RRH: variants seen among roughly 807,000 people sequenced by gnomAD.
The protein encoded by RRH is visual pigment-like receptor peropsin.
In RRH, 36 loss-of-function variants were observed where a neutral mutation model predicts 33.1. The observed-to-expected ratio is 1.09, with a 90% CI of 0.83 to 1.44. The LOEUF (loss-of-function observed/expected upper bound fraction) is 1.44, where lower values mean the gene tolerates loss of function less well. Ranked by LOEUF, RRH falls within the 40% of genes most tolerant of loss-of-function variation. The pLI, the probability that RRH is intolerant of heterozygous loss-of-function variation, is 0.00. For synonymous variants in RRH, 124 were observed against 140.2 expected (o/e 0.88, Z 0.82); for missense variants, 393 against 420.2 (o/e 0.94, Z 0.57).
intron 1 of RRH, among the ~76,000 whole-genome samples, chr4:109,831,929 T>A (rs1560583474): frequency 6.6e-6 from 1 of 152,084 alleles, no homozygotes; most frequent in Non-Finnish European, 1.5e-5. Context: ...TTTAACAGGC[T>A]AAGGCAGAAG....
chr4:109,843,462 G>T (rs1005895550), intron 6 of RRH, among the ~76,000 whole-genome samples: 2 of 152,218 alleles, frequency 1.3e-5, no homozygotes, highest in Non-Finnish European at 2.9e-5. Context: ...GCCCGCCTCG[G>T]CCTCCCAAAG....
intron 5 of RRH, among the ~76,000 whole-genome samples, chr4:109,838,896 G>A (rs1001422030): frequency 6.6e-6 from 1 of 152,094 alleles, no homozygotes; most frequent in African/African-American, 2.4e-5. Flanking sequence ...TACTTGGTGA[G>A]TACTTTCAGT....
chr4:109,835,587 C>A, intron 3 of RRH, 122 bp downstream of exon 3: 1 of 771,036 alleles, frequency 1.3e-6, no homozygotes, highest in Non-Finnish European at 2.3e-6. Flanking sequence ...ATTTCTCTGC[C>A]AATAATTGTT....
At position 109,842,535 on chromosome 4, in the gene RRH, G is replaced by T; in HGVS notation, c.787G>T (p.Ala263Ser). ...WSPYSIVCLW[A>S]SFGDPKKIPP... The stretch of plus-strand genomic sequence containing the variant: ...CCCTTATTCCATCGTGTGCTTATGG[G>T]CTTCTTTTGGTGACCCAAAGAAGAT... The change falls in exon 6 of 7, where the codon GCT becomes TCT. Residue 263 changes from alanine (A) to serine (S), a missense_variant. Ala to Ser is a moderately conservative substitution (Grantham distance 99). Coordinates refer to ENST00000317735, the MANE Select transcript of RRH (RefSeq NM_006583.5). 1.2e-6 allele frequency: 2 copies of T among 1,613,936 alleles called. No individual in the cohort carries two copies. Among genetic ancestry groups the T allele is most frequent in the Non-Finnish European group, 1.7e-6 (2 of 1,179,896 alleles).
intron 5 of RRH, among the ~76,000 whole-genome samples, chr4:109,839,417 A>T (rs1038607903): frequency 2.0e-5 from 3 of 152,016 alleles, no homozygotes; most frequent in Non-Finnish European, 2.9e-5. Context: ...TTTACATTCT[A>T]CTCTCACTTT....
In RRH at chr4:109,835,994, T is replaced by G; in HGVS notation, c.398-13T>G. On this transcript the variant is annotated splice_polypyrimidine_tract_variant and intron_variant, in intron 3 of 6. Transcript: ENST00000317735. ...TGGCAAATGTTGCTAATATTTCCTG[T>G]GCTTGATAATAGGGAGAAGAATGAC... 1 of 1,614,164 alleles carries G rather than the reference T, an allele frequency of 6.2e-7. No individual in the cohort carries two copies. The highest frequency in any genetic ancestry group is 8.5e-7 in the Non-Finnish European group (1 of 1,180,006).
intron 1 of RRH, among the ~76,000 whole-genome samples, chr4:109,831,438 TGAG>T (rs1180087490): frequency 2.0e-5 from 3 of 152,126 alleles, no homozygotes; most frequent in Admixed American, 6.5e-5. Flanking sequence ...ACAGAAATCA[TGAG>T]GAGCCTGAAA....
chr4:109,837,904 T>A (rs1733916871), intron 5 of RRH, among the ~76,000 whole-genome samples: 1 of 152,138 alleles, frequency 6.6e-6, no homozygotes, highest in African/African-American at 2.4e-5. Context: ...GCCTCCCCAG[T>A]AGCTGGGATT....
chr4:109,842,400 C>A, intron 5 of RRH, 69 bp from the exon 6 acceptor site: 1 of 1,387,146 alleles, frequency 7.2e-7, no homozygotes, highest in Admixed American at 1.8e-5. Flanking sequence ...AGATTTTTAC[C>A]CAACTTTAGA....
At position 109,833,281 on chromosome 4, in the gene RRH, T is replaced by G. The variant is rs1325076463; in HGVS notation, c.249T>G (p.Ala83=). 6.2e-7 allele frequency: 1 copy of G among 1,614,120 alleles called. No homozygotes were observed. The highest frequency in any genetic ancestry group is 1.1e-5 in the South Asian group (1 of 91,080). ...GVSSIGYPMS[A]ASDLYGSWKF... ...GTAGCATTGGCTATCCCATGTCTGC[T>G]GCCTCAGATCTGTATGGAAGTTGGA... is the stretch of plus-strand genomic sequence containing the variant. The change falls in exon 2 of 7, where the codon GCT becomes GCG. Residue 83 remains alanine (A), a synonymous_variant. Transcript: ENST00000317735.
chr4:109,837,602 AAAGGT>A lies in RRH; in HGVS notation c.720+1_720+5del. On this transcript the variant is annotated splice_donor_variant and coding_sequence_variant, in exon 5 of 7. Coordinates refer to ENST00000317735, the MANE Select transcript of RRH (RefSeq NM_006583.5). LOFTEE classifies it high-confidence loss of function. Reference sequence around the variant, plus strand: ...ACTGGTCAGATCAGATAGATGTAACAAAGGTAAGAGATCAAAATCCTTGAAAAATT... The same window carrying A: ...ACTGGTCAGATCAGATAGATGTAACAAAGAGATCAAAATCCTTGAAAAATT... The A allele has an allele frequency of 6.2e-7, 1 of 1,613,356 alleles. No individual in the cohort carries two copies. The highest frequency in any genetic ancestry group is 8.5e-7 in the Non-Finnish European group (1 of 1,179,424).
rs1553921364 is a variant in RRH at position 109,835,383 on chromosome 4, T to C, written c.315T>C (p.Asn105=). The C allele has an allele frequency of 3.7e-6, 6 of 1,613,944 alleles. No individual in the cohort carries two copies. The Admixed American group carries it at 1.0e-4, about 27-fold the overall frequency. ...GTTTTCAGGTTTATGCTGGATTGAATATTTTTTTTGGAATGGCAAGCATTG... is the reference window on the plus strand; with the variant it reads ...GTTTTCAGGTTTATGCTGGATTGAACATTTTTTTTGGAATGGCAAGCATTG... ...YAGCQVYAGL[N]IFFGMASIGL... Residue 105 remains asparagine (N), a synonymous_variant, in exon 3 of 7, where the codon AAT becomes AAC. Transcript: ENST00000317735.
At chr4:109,831,659 T>C (rs113189756) in intron 1 of RRH, among the ~76,000 whole-genome samples, 62 of 152,202 alleles carry the variant, frequency 4.1e-4, no homozygotes, top group African/African-American at 1.3e-3. Context: ...GGGAGAAATA[T>C]GAGTCAAGCA....
chr4:109,836,778 G>T (rs1247543693), intron 4 of RRH, among the ~76,000 whole-genome samples: 1 of 151,668 alleles, frequency 6.6e-6, no homozygotes, highest in African/African-American at 2.4e-5. Context: ...GTAAAGGCTG[G>T]GCACAGTGGT....
intron 5 of RRH, among the ~76,000 whole-genome samples, chr4:109,839,949 A>G (rs1294858555): frequency 3.3e-5 from 5 of 152,230 alleles, no homozygotes; most frequent in Admixed American, 3.3e-4. Flanking sequence ...GTGTCTTTAT[A>G]ATACAATGAT....
chr4:109,835,496 A>G (rs111670300), intron 3 of RRH, 31 bp downstream of exon 3: 27,111 of 1,506,272 alleles, frequency 0.018, 369 homozygotes, highest in Non-Finnish European at 0.02. Context: ...TTCTTAATGA[A>G]TCCATTTCTT....
In RRH at chr4:109,827,990, G is replaced by C. The variant is rs752148464; in HGVS notation, c.-38G>C. On this transcript the variant is annotated 5_prime_UTR_variant, in exon 1 of 7. Coordinates refer to ENST00000317735, the MANE Select transcript of RRH (RefSeq NM_006583.5). ...ATAAAGCAGTTCATAATTATCGAAG[G>C]CTTATTATGAAGGGTGTTTCGGTAT... 2 of 1,282,576 alleles carry C rather than the reference G, an allele frequency of 1.6e-6. No homozygotes were observed. The highest frequency in any genetic ancestry group is 2.3e-6 in the Non-Finnish European group (2 of 879,338). 79.4% of individuals were successfully genotyped at this position (1,282,576 alleles called of 1,614,324 possible). A position where few individuals can be genotyped will look rare whatever the true frequency, so the allele number is the denominator to read the frequency against.
chr4:109,842,436 T>A, intron 5 of RRH, 33 bp from the exon 6 acceptor site: 1 of 1,580,920 alleles, frequency 6.3e-7, no homozygotes, highest in Non-Finnish European at 8.7e-7. Flanking sequence ...ATATTTTAGG[T>A]ATTGGGCTTG....
chr4:109,835,491 A>C, intron 3 of RRH, 26 bp downstream of exon 3: 1 of 1,527,678 alleles, frequency 6.5e-7, no homozygotes, highest in Non-Finnish European at 9.1e-7. Context: ...CAGCTTTCTT[A>C]ATGAATCCAT....
Sources: allele counts gnomAD v4.1 joint callset (sites outside exome capture counted in the v4.1 genomes callset), GRCh38; gene constraint gnomAD v4.1.1; transcripts MANE v1.5; gene names NCBI Gene and HGNC (gene_info 2026-07-23, HGNC 2026-07-21).